Variants in NOX3 observed in about 807,000 individuals in gnomAD.
NOX3 encodes NADPH oxidase catalytic subunit-like 3.
Under a neutral mutation model 76.7 loss-of-function variants are expected in NOX3, and 74 were observed. The ratio of observed to expected loss-of-function variants is 0.96; its 90% confidence interval spans 0.80 to 1.17. NOX3 has a LOEUF of 1.17. NOX3 is among the 50% of genes most tolerant of loss of function. The pLI, the probability that NOX3 is intolerant of heterozygous loss-of-function variation, is 0.00. For missense variants in NOX3, 695 were observed against 703.3 expected (o/e 0.99, Z 0.13); for synonymous variants, 263 against 261.1 (o/e 1.01, Z -0.07).
At position 155,436,549 on chromosome 6, in the gene NOX3, T is replaced by C; in HGVS notation, c.669-2A>G. The C allele has an allele frequency of 1.2e-6, 2 of 1,609,740 alleles. No homozygotes were observed. Among genetic ancestry groups the C allele is most frequent in the Non-Finnish European group, 1.7e-6 (2 of 1,179,000 alleles). On this transcript the variant is annotated splice_acceptor_variant, in intron 6 of 13. Coordinates refer to ENST00000159060, the MANE Select transcript of NOX3 (RefSeq NM_015718.3). LOFTEE classifies it high-confidence loss of function. ...TGGGTTTGGCCTCGAACAATCCGAC[T>C]TGTTATTTAAGAAAAGCAAAACAAA...
intron 3 of NOX3, among the ~76,000 whole-genome samples, chr6:155,454,174 G>T (rs560393798): frequency 6.6e-6 from 1 of 152,274 alleles, no homozygotes; most frequent in South Asian, 2.1e-4. Context: ...TCCACACAGG[G>T]TTGCCAGAAG....
At chr6:155,396,761 A>G (rs563369303) in intron 13 of NOX3, 48 bp downstream of exon 13, 15 of 1,478,600 alleles carry the variant, frequency 1.0e-5, no homozygotes, top group Admixed American at 4.0e-5. Context: ...TTGGCCCCTT[A>G]TGGGAAGAGT....
intron 6 of NOX3, among the ~76,000 whole-genome samples, chr6:155,439,443 A>T (rs1460279776): frequency 6.6e-6 from 1 of 152,128 alleles, no homozygotes; most frequent in African/African-American, 2.4e-5. Context: ...CTAGAGGTCA[A>T]ATGGGGAAAC....
Position 155,454,888 on chromosome 6 carries a change from A to G in NOX3, c.178T>C (p.Cys60Arg), listed in dbSNP as rs1228127142. ...TLAWARASAL[C>R]LNFNCMLILI... is the part of the protein sequence containing the mutation. ...ATTAGCATGCAGTTAAAATTCAGGC[A>G]CAGTGCGGATGCTCGTGCCCAAGCC... Residue 60 changes from cysteine (C) to arginine (R), a missense_variant, in exon 3 of 14, where the codon TGC becomes CGC. By Grantham distance (180) the Cys-to-Arg change is radical. Transcript: ENST00000159060. 1 of 1,611,224 alleles carries G rather than the reference A, an allele frequency of 6.2e-7. No homozygotes were observed.
intron 6 of NOX3, among the ~76,000 whole-genome samples, chr6:155,438,666 CGTTGTCT>C (rs1432300566): frequency 2.0e-5 from 3 of 152,170 alleles, no homozygotes; most frequent in African/African-American, 7.2e-5. Flanking sequence ...AATCCCAAAG[CGTTGTCT>C]GTGGGCCCTA....
chr6:155,419,373 C>G (rs567614457), intron 10 of NOX3, among the ~76,000 whole-genome samples: 119 of 152,180 alleles, frequency 7.8e-4, no homozygotes, highest in Non-Finnish European at 1.2e-3. Context: ...TGCTCAGGTC[C>G]TGACTCAGTG....
At chr6:155,411,057 G>C (rs1001997088) in intron 11 of NOX3, among the ~76,000 whole-genome samples, 157 bp downstream of exon 11, 3 of 152,042 alleles carry the variant, frequency 2.0e-5, no homozygotes, top group African/African-American at 7.2e-5. Context: ...AATCACTCTT[G>C]CTAATCTGGT....
chr6:155,422,833 C>T lies in NOX3; in HGVS notation c.1169G>A (p.Gly390Glu), dbSNP rs143219672. ...LPRLAVDGPF[G>E]TALTDVFHYP... ...GTGAAATACATCTGTCAGGGCAGTT[C>T]CAAAGGGCCCGTCCACTGCCAGCCT... The change falls in exon 10 of 14, where the codon GGA (glycine) becomes GAA (glutamate). Residue 390 changes from glycine (G) to glutamate (E), a missense_variant. Physicochemically the swap from Gly to Glu is moderately conservative, Grantham distance 98. Coordinates refer to ENST00000159060, the MANE Select transcript of NOX3 (RefSeq NM_015718.3). The T allele has an allele frequency of 7.6e-5, 122 of 1,614,044 alleles. No homozygotes were observed. Among genetic ancestry groups the T allele is most frequent in the Middle Eastern group, 1.6e-4 (1 of 6,082 alleles).
intron 10 of NOX3, 45 bp downstream of exon 10, chr6:155,422,649 G>T: frequency 6.3e-7 from 1 of 1,587,062 alleles, no homozygotes; most frequent in Non-Finnish European, 8.6e-7. Context: ...TAAGGACATT[G>T]AACCTTTTAA....
At chr6:155,445,932 G>A (rs1161246148) in intron 4 of NOX3, among the ~76,000 whole-genome samples, 1 of 136,172 alleles carries the variant, frequency 7.3e-6, no homozygotes, top group African/African-American at 2.8e-5. Context: ...TAATATATAT[G>A]CTATAGATAT....
Position 155,428,828 on chromosome 6 carries a change from C to T in NOX3, c.1111G>A (p.Gly371Arg), listed in dbSNP as rs184586534. Residue 371 changes from glycine to arginine, a missense_variant, in exon 9 of 14, where the codon GGA becomes AGA. Transcript: ENST00000159060. The stretch of plus-strand genomic sequence containing the variant: ...CTCCAGGGCTCCTGGAGGGCCTGTC[C>T]CTCTGCCCCAAAGGCCTCCAGTAGC... ...AALLEAFGAE[G>R]QALQEPWSLP... is the part of the protein sequence containing the mutation. The T allele has an allele frequency of 9.0e-6, 14 of 1,560,922 alleles. No homozygotes were observed. In the East Asian group the frequency reaches 3.0e-4, roughly 33 times the overall value.
At chr6:155,415,041 C>T (rs530053619) in intron 10 of NOX3, among the ~76,000 whole-genome samples, 2 of 152,264 alleles carry the variant, frequency 1.3e-5, no homozygotes, top group Admixed American at 6.5e-5. Context: ...AGTTTCACAT[C>T]ATTCCCAAGC....
chr6:155,423,108 G>A (rs891312009), intron 9 of NOX3, among the ~76,000 whole-genome samples: 6 of 152,122 alleles, frequency 3.9e-5, no homozygotes, highest in East Asian at 1.9e-4. Context: ...GACATCTCTC[G>A]CTATAGCTCA....
At chr6:155,403,370 T>G (rs1458935434) in intron 12 of NOX3, among the ~76,000 whole-genome samples, 3 of 152,214 alleles carry the variant, frequency 2.0e-5, no homozygotes, top group African/African-American at 7.2e-5. Flanking sequence ...TGACTTTGCC[T>G]TCATGTGTCT....
At chr6:155,438,070 C>T (rs182300460) in intron 6 of NOX3, among the ~76,000 whole-genome samples, 5 of 152,258 alleles carry the variant, frequency 3.3e-5, no homozygotes, top group Non-Finnish European at 1.5e-5. Context: ...TGTGCTTCTA[C>T]AATGCACCAG....
At chr6:155,415,899 G>A (rs1450301544) in intron 10 of NOX3, among the ~76,000 whole-genome samples, 1 of 152,228 alleles carries the variant, frequency 6.6e-6, no homozygotes, top group East Asian at 1.9e-4. Context: ...AATGAAGACA[G>A]TATATTATAG....
At chr6:155,444,411 T>G (rs1177674462) in intron 4 of NOX3, among the ~76,000 whole-genome samples, 1 of 152,210 alleles carries the variant, frequency 6.6e-6, no homozygotes, top group Non-Finnish European at 1.5e-5. Context: ...AGTGTTTGTG[T>G]GCGAGTCATC....
chr6:155,436,637 T>G, intron 6 of NOX3, 90 bp from the exon 7 acceptor site: 1 of 1,314,214 alleles, frequency 7.6e-7, no homozygotes, highest in Non-Finnish European at 1.1e-6. Context: ...GTATATATCC[T>G]ACAGTGAGCT....
intron 10 of NOX3, among the ~76,000 whole-genome samples, chr6:155,412,426 C>T (rs2114681862): frequency 6.6e-6 from 1 of 152,304 alleles, no homozygotes; most frequent in East Asian, 1.9e-4. Context: ...CTATTCTCTT[C>T]ATGTTTAGGC....
Sources: gnomAD v4.1 joint callset for allele counts (sites outside exome capture counted in the v4.1 genomes callset) on GRCh38, gnomAD v4.1.1 for gene constraint, MANE v1.5 for transcripts, NCBI Gene and HGNC (gene_info 2026-07-23, HGNC 2026-07-21) for gene names.